Variants in TRPM7 observed in about 807,000 individuals in gnomAD.
TRPM7 encodes the protein transient receptor potential cation channel subfamily M member 7, also known as LTRPC ion channel family member 7.
A neutral mutation model predicts 229.7 loss-of-function variants in TRPM7; 134 were observed. That is an observed-to-expected ratio of 0.58 (90% confidence interval 0.51 to 0.67). The LOEUF (loss-of-function observed/expected upper bound fraction) is 0.67, where lower values mean the gene tolerates loss of function less well. Ranked by LOEUF, TRPM7 falls within the 30% of genes least tolerant of loss-of-function variation. The pLI is 0.00. For synonymous variants in TRPM7, 699 were observed against 715.2 expected (o/e 0.98, Z 0.36); for missense variants, 1,901 against 2,210.0 (o/e 0.86, Z 2.80).
rs772348040 is a variant in TRPM7, at chr15:50,592,510, G to A, written c.3725C>T (p.Thr1242Met). Residue 1242 changes from threonine to methionine, a missense_variant, in exon 26 of 39, where the codon ACG becomes ATG. Coordinates refer to ENST00000646667, the MANE Select transcript of TRPM7 (RefSeq NM_017672.6). ...IGHLQDLSAL[T>M]VDTLKTLTAQ... ...AGTGAGTGTTTTTAATGTATCTACC[G>A]TCAGGGCTGAAAGATCTTGCAAATG... 14 of 1,613,800 alleles carry A rather than the reference G, an allele frequency of 8.7e-6. No individual in the cohort carries two copies. In the South Asian group the frequency reaches 8.8e-5, roughly 10 times the overall value.
intron 26 of TRPM7, among the ~76,000 whole-genome samples, chr15:50,591,411 C>A (rs1596122664): frequency 6.6e-6 from 1 of 151,922 alleles, no homozygotes; most frequent in Non-Finnish European, 1.5e-5. Flanking sequence ...AAAGACAGAA[C>A]CTAAAATTCC....
At chr15:50,620,983 C>A (rs1157663319) in intron 12 of TRPM7, among the ~76,000 whole-genome samples, 1 of 151,926 alleles carries the variant, frequency 6.6e-6, no homozygotes, top group African/African-American at 2.4e-5. Context: ...CACGGTGAAA[C>A]CCCGTCTCTA....
intron 5 of TRPM7, 28 bp from the exon 6 acceptor site, chr15:50,639,576 T>C (rs1567061988): frequency 6.3e-7 from 1 of 1,598,162 alleles, no homozygotes; most frequent in Non-Finnish European, 8.5e-7. Context: ...TTATTCATTT[T>C]GTTTTTTTTA....
Position 50,612,768 on chromosome 15 carries a change from T to C in TRPM7, c.1832A>G (p.Asp611Gly), listed in dbSNP as rs968289951. ...AGGAAAGCGCTTGGTTTCTGGATCA[T>C]CAATGTCTACAATTTCATCTTTGGT... ...KRTKDEIVDI[D>G]DPETKRFPYP... Residue 611 changes from aspartate to glycine, a missense_variant, in exon 16 of 39, where the codon GAT becomes GGT. This residue lies in a region of TRPM7 where 794 missense variants were observed against 881.9 expected (regional missense o/e 0.90). Coordinates refer to ENST00000646667, the MANE Select transcript of TRPM7 (RefSeq NM_017672.6). 1 of 1,614,112 alleles carries C rather than the reference T, an allele frequency of 6.2e-7. No individual in the cohort carries two copies. The highest frequency in any genetic ancestry group is 8.5e-7 in the Non-Finnish European group (1 of 1,180,000).
At chr15:50,570,839 A>G (rs1210883777) in intron 36 of TRPM7, among the ~76,000 whole-genome samples, 1 of 150,832 alleles carries the variant, frequency 6.6e-6, no homozygotes, top group Non-Finnish European at 1.5e-5. Flanking sequence ...TGGGCAACAG[A>G]GTGAAATTCG....
chr15:50,595,921 CA>C (rs915788712), intron 23 of TRPM7, among the ~76,000 whole-genome samples: 56 of 149,698 alleles, frequency 3.7e-4, no homozygotes, highest in South Asian at 2.9e-3. Flanking sequence ...CATATATTTG[CA>C]AAAAAAATGA....
Position 50,599,025 on chromosome 15 carries a change from G to C in TRPM7, c.3163+97C>G, listed in dbSNP as rs1426235193. 1.7e-5 allele frequency: 16 copies of C among 949,096 alleles called. No homozygotes were observed. The South Asian group carries it at 2.7e-4, about 16-fold the overall frequency. 58.8% of individuals were successfully genotyped at this position (949,096 alleles called of 1,614,324 possible). A position where few individuals can be genotyped will look rare whatever the true frequency, so the allele number is the denominator to read the frequency against. On this transcript the variant is annotated intron_variant, in intron 22 of 38. Transcript: ENST00000646667. The stretch of plus-strand genomic sequence containing the variant: ...TTGTGTGGGGCTTAGGTTGGTAATA[G>C]TTTGACTTCTGAAAATATGCAATAT...
intron 29 of TRPM7, 86 bp from the exon 30 acceptor site, chr15:50,580,994 ATATTT>A: frequency 2.9e-6 from 4 of 1,401,866 alleles, no homozygotes; most frequent in Middle Eastern, 1.8e-4. Flanking sequence ...TTTTTTTCTT[ATATTT>A]TAAGAATGAA....
At chr15:50,597,861 G>A (rs2059673636) in intron 22 of TRPM7, among the ~76,000 whole-genome samples, 2 of 152,040 alleles carry the variant, frequency 1.3e-5, no homozygotes, top group African/African-American at 4.8e-5. Context: ...AGAGGTTGCA[G>A]TGAGCCAAGA....
At chr15:50,669,619 T>C (rs2061948212) in intron 1 of TRPM7, among the ~76,000 whole-genome samples, 1 of 152,200 alleles carries the variant, frequency 6.6e-6, no homozygotes, top group Non-Finnish European at 1.5e-5. Context: ...AACTTGTCTT[T>C]AGTAAAAATG....
chr15:50,662,528 T>C (rs892521831), intron 2 of TRPM7, among the ~76,000 whole-genome samples: 3 of 152,204 alleles, frequency 2.0e-5, no homozygotes, highest in African/African-American at 4.8e-5. Flanking sequence ...TATCTATATA[T>C]TGGCAAACAA....
intron 1 of TRPM7, among the ~76,000 whole-genome samples, chr15:50,671,964 G>A (rs2061998309): frequency 6.7e-6 from 1 of 148,684 alleles, no homozygotes; most frequent in Admixed American, 6.7e-5. Flanking sequence ...ATAATACTTT[G>A]TAATAATAAA....
At chr15:50,563,437 ACT>A (rs2053420675) in intron 38 of TRPM7, among the ~76,000 whole-genome samples, 2 of 151,960 alleles carry the variant, frequency 1.3e-5, no homozygotes. Flanking sequence ...GACTATGAAA[ACT>A]CTTGTGAGAG....
At chr15:50,624,600 C>A (rs1417055645) in intron 11 of TRPM7, among the ~76,000 whole-genome samples, 1 of 152,064 alleles carries the variant, frequency 6.6e-6, no homozygotes, top group African/African-American at 2.4e-5. Flanking sequence ...GGAAAGAATA[C>A]CTTAAAGCAA....
chr15:50,649,248 G>T lies in TRPM7; in HGVS notation c.123-363C>A, dbSNP rs1041358089. ...GGTCAAAAGTTCAAGACCATCCTAAGAAACACAGCAAGACCCTGACTTGAC... is the reference window on the plus strand; with the variant it reads ...GGTCAAAAGTTCAAGACCATCCTAATAAACACAGCAAGACCCTGACTTGAC... On this transcript the variant is annotated intron_variant, in intron 3 of 38. Transcript: ENST00000646667. Among the ~76,000 whole-genome samples, 3 of 152,036 alleles carry T rather than the reference G, an allele frequency of 2.0e-5. 1 individual carries two copies. The highest frequency in any genetic ancestry group is 4.4e-5 in the Non-Finnish European group (3 of 68,008).
At chr15:50,580,157 C>G (rs1566949544) in intron 30 of TRPM7, among the ~76,000 whole-genome samples, 1 of 152,204 alleles carries the variant, frequency 6.6e-6, no homozygotes. Context: ...TCAAGTAATC[C>G]ATATGACAGA....
At chr15:50,679,538 A>ATATATATATATATAT (rs1400383980) in intron 1 of TRPM7, among the ~76,000 whole-genome samples, 3 of 43,904 alleles carry the variant, frequency 6.8e-5, no homozygotes, top group African/African-American at 3.2e-4. Flanking sequence ...ATATATATAT[A>ATATATATATATATAT]TTTTTTTTTT....
In TRPM7 at chr15:50,609,814, T is replaced by A; in HGVS notation, c.2428A>T (p.Ile810Phe). Residue 810 changes from isoleucine to phenylalanine, a missense_variant, in exon 18 of 39, where the codon ATC becomes TTC. By Grantham distance (21) the Ile-to-Phe change is conservative. Transcript: ENST00000646667. ...AATGTTTTCCTGCTTACCATGGGGA[T>A]CTCTTCTGTTATGTTCTGAAAGTTG... is the stretch of plus-strand genomic sequence containing the variant. ...ENNFQNITEE[I>F]PMEVFKEVRI... The A allele has an allele frequency of 6.2e-7, 1 of 1,609,626 alleles. No individual in the cohort carries two copies. The highest frequency in any genetic ancestry group is 8.5e-7 in the Non-Finnish European group (1 of 1,178,616).
At chr15:50,575,507 T>G (rs888100456) in intron 33 of TRPM7, among the ~76,000 whole-genome samples, 3 of 152,236 alleles carry the variant, frequency 2.0e-5, no homozygotes, top group African/African-American at 7.2e-5. Context: ...TAGAATATAT[T>G]GTTGCTTCTG....
Sources: gnomAD v4.1 joint callset for allele counts (sites outside exome capture counted in the v4.1 genomes callset) on GRCh38, gnomAD v4.1.1 for gene constraint, gnomAD v4.1.1 regional missense constraint, MANE v1.5 for transcripts, NCBI Gene and HGNC (gene_info 2026-07-23, HGNC 2026-07-21) for gene names.